NAALADL2: variants seen among roughly 807,000 people sequenced by gnomAD.
The protein encoded by NAALADL2 is N-acetylated alpha-linked acidic dipeptidase like 2, also known as inactive N-acetylated-alpha-linked acidic dipeptidase-like protein 2.
A neutral mutation model predicts 87.2 loss-of-function variants in NAALADL2; 76 were observed. That is an observed-to-expected ratio of 0.87 (90% CI 0.72 to 1.05). NAALADL2 has a LOEUF of 1.05. Among genes scored for constraint, NAALADL2 ranks in the 50% least tolerant of loss-of-function variants. The pLI is 0.00. For synonymous variants in NAALADL2, 354 were observed against 331.0 expected (o/e 1.07, Z -0.75); for missense variants, 1,089 against 945.8 (o/e 1.15, Z -1.99).
intron 9 of NAALADL2, among the ~76,000 whole-genome samples, chr3:175,566,342 C>T (rs978123328): frequency 6.6e-6 from 1 of 152,144 alleles, no homozygotes; most frequent in Non-Finnish European, 1.5e-5. Flanking sequence ...CATTGTCTCT[C>T]CCCAGAGGCA....
chr3:175,324,429 T>C, intron 5 of NAALADL2, 104 bp downstream of exon 5: 2 of 846,036 alleles, frequency 2.4e-6, no homozygotes, highest in Non-Finnish European at 3.5e-6. Flanking sequence ...AAATAATTCT[T>C]AGCATCCCAT....
chr3:174,671,755 G>A (rs1726559542), intron 2 of NAALADL2, among the ~76,000 whole-genome samples: 1 of 152,050 alleles, frequency 6.6e-6, no homozygotes, highest in African/African-American at 2.4e-5. Context: ...ATAGGAACCT[G>A]GGTTTGAAGC....
At chr3:175,597,328 A>G (rs1722375900) in intron 10 of NAALADL2, among the ~76,000 whole-genome samples, 1 of 152,014 alleles carries the variant, frequency 6.6e-6, no homozygotes, top group Non-Finnish European at 1.5e-5. Flanking sequence ...GTGAAGTCTC[A>G]ATAATCAATA....
chr3:174,734,383 A>G (rs2108991832), intron 2 of NAALADL2, among the ~76,000 whole-genome samples: 1 of 152,310 alleles, frequency 6.6e-6, no homozygotes, highest in South Asian at 2.1e-4. Context: ...GCAAAATCCC[A>G]CAGACTGGGT....
At chr3:174,741,808 T>G (rs1241568099) in intron 3 of NAALADL2, among the ~76,000 whole-genome samples, 1 of 151,752 alleles carries the variant, frequency 6.6e-6, no homozygotes, top group Non-Finnish European at 1.5e-5. Flanking sequence ...TGACAGCAAT[T>G]CATTTAGTGC....
chr3:175,323,112 G>C (rs13094891), intron 4 of NAALADL2, among the ~76,000 whole-genome samples: 37,203 of 144,150 alleles, frequency 0.26, 4,995 homozygotes, highest in African/African-American at 0.38. Flanking sequence ...TGATAGACTG[G>C]ATTAAGAAAA....
intron 1 of NAALADL2, among the ~76,000 whole-genome samples, chr3:175,033,620 G>T (rs1247882069): frequency 6.6e-6 from 1 of 151,984 alleles, no homozygotes; most frequent in Admixed American, 6.6e-5. Context: ...ATTTGACACA[G>T]GTGGTCTCTC....
At chr3:175,195,790 A>G (rs941848884) in intron 2 of NAALADL2, among the ~76,000 whole-genome samples, 2 of 151,938 alleles carry the variant, frequency 1.3e-5, no homozygotes, top group African/African-American at 4.8e-5. Flanking sequence ...TGGATTTTCA[A>G]AATAACAATG....
rs528260254 is a variant in NAALADL2, at chr3:175,171,381, G to A, written c.546-62550G>A. Among the ~76,000 whole-genome samples the A allele has an allele frequency of 3.3e-5, 5 of 152,042 alleles. No individual in the cohort carries two copies. The South Asian group carries it at 1.0e-3, about 32-fold the overall frequency. On this transcript the variant is annotated intron_variant, in intron 2 of 13. Transcript: ENST00000454872. ...AGATGGCCCATGACACATAACAATC[G>A]AATAGCAGATTTAAGTCTCCTGTCA...
intron 1 of NAALADL2, among the ~76,000 whole-genome samples, chr3:174,951,799 C>G (rs1740405531): frequency 1.3e-5 from 2 of 151,986 alleles, no homozygotes; most frequent in South Asian, 2.1e-4. Flanking sequence ...ATTATTACCC[C>G]CACTCTGTTC....
At chr3:174,761,528 G>C (rs187028407) in intron 3 of NAALADL2, among the ~76,000 whole-genome samples, 99 of 152,194 alleles carry the variant, frequency 6.5e-4, no homozygotes, top group Middle Eastern at 3.4e-3. Context: ...CTGTGTAAAT[G>C]GTCATATGTA....
chr3:175,064,647 C>A lies in NAALADL2; in HGVS notation c.44-32143C>A, dbSNP rs532089944. ...ACTCTGACCTCACTCTCCTCCTGAC[C>A]AGTGATCTCCAACTCTTGGCCCTCA... On this transcript the variant is annotated intron_variant, in intron 1 of 13. Coordinates refer to ENST00000454872, the MANE Select transcript of NAALADL2 (RefSeq NM_207015.3). Among the ~76,000 whole-genome samples the A allele has an allele frequency of 2.0e-5, 3 of 152,274 alleles. No individual in the cohort carries two copies. The South Asian group carries it at 6.2e-4, about 32-fold the overall frequency.
chr3:175,350,827 CAATTAA>C (rs1763678809), intron 5 of NAALADL2, among the ~76,000 whole-genome samples: 2 of 151,998 alleles, frequency 1.3e-5, no homozygotes, highest in Admixed American at 6.6e-5. Flanking sequence ...TGTTTGGGGA[CAATTAA>C]AATTAAATTA....
At chr3:174,768,984 T>C (rs1714198516) in intron 3 of NAALADL2, among the ~76,000 whole-genome samples, 1 of 151,950 alleles carries the variant, frequency 6.6e-6, no homozygotes, top group African/African-American at 2.4e-5. Context: ...CTTTTCTTTT[T>C]TTCTTTTTAA....
chr3:174,860,880 C>T (rs1392992503), intron 1 of NAALADL2, among the ~76,000 whole-genome samples: 2 of 151,930 alleles, frequency 1.3e-5, no homozygotes, highest in Admixed American at 1.3e-4. Flanking sequence ...ACATATGTTT[C>T]ACTGTGTAAG....
intron 8 of NAALADL2, among the ~76,000 whole-genome samples, chr3:175,468,699 T>C (rs1347365994): frequency 6.6e-6 from 1 of 152,054 alleles, no homozygotes; most frequent in Admixed American, 6.6e-5. Context: ...CTGAACTATG[T>C]TTTAGAATAG....
chr3:174,771,549 C>A (rs919680609), intron 3 of NAALADL2, among the ~76,000 whole-genome samples: 5 of 152,250 alleles, frequency 3.3e-5, no homozygotes, highest in Admixed American at 2.6e-4. Context: ...GGTGCATGAG[C>A]TTTGGTAAAG....
rs748895219 is a variant in NAALADL2 at position 174,625,057 on chromosome 3, C to CTCTCT, written c.-115+74421_-115+74422insCTCTT. On this transcript the variant is annotated intron_variant, in intron 2 of 3. Transcript: ENST00000434257. ...TATTTATTGCTATCTCTCTCTCTCT[C>CTCTCT]TTTTTTTTTTTTTTTTTTTGAGACA... Among the ~76,000 whole-genome samples, 123 of 78,850 alleles carry CTCTCT rather than the reference C, an allele frequency of 1.6e-3. 2 individuals carry two copies. The highest frequency in any genetic ancestry group is 5.6e-3 in the African/African-American group (111 of 19,834). 51.7% of individuals were successfully genotyped at this position (78,850 alleles called of 152,430 possible).
At chr3:175,692,202 T>C (rs1370465193) in intron 11 of NAALADL2, among the ~76,000 whole-genome samples, 1 of 152,126 alleles carries the variant, frequency 6.6e-6, no homozygotes, top group Non-Finnish European at 1.5e-5. Flanking sequence ...TTCTCTTGTT[T>C]TCACTTTTTT....
Sources: gnomAD v4.1 joint callset for allele counts (sites outside exome capture counted in the v4.1 genomes callset) on GRCh38, gnomAD v4.1.1 for gene constraint, MANE v1.5 for transcripts, NCBI Gene and HGNC (gene_info 2026-07-23, HGNC 2026-07-21) for gene names.